Variants in DOCK7 observed in about 807,000 individuals in gnomAD.
DOCK7 encodes dedicator of cytokinesis 7, also known as dedicator of cytokinesis protein 7.
Under a neutral mutation model 271.0 loss-of-function variants are expected in DOCK7, and 138 were observed. The ratio of observed to expected loss-of-function variants is 0.51; its 90% CI spans 0.44 to 0.59. DOCK7 has a LOEUF of 0.59. Among genes scored for constraint, DOCK7 ranks in the 20% least tolerant of loss-of-function variants. DOCK7 has a pLI of 0.00. For synonymous variants in DOCK7, 823 were observed against 876.1 expected, an observed-to-expected ratio of 0.94 and a Z score of 1.07; for missense variants, 2,066 against 2,592.4, an observed-to-expected ratio of 0.80 and a Z score of 4.41.
chr1:62,487,506 C>CATAAATGAGAAG lies in DOCK7; in HGVS notation c.5494-95_5494-94insCTTCTCATTTAT. 7.2e-6 allele frequency: 8 copies of CATAAATGAGAAG among 1,104,988 alleles called. 1 individual carries two copies. In the South Asian group the frequency reaches 1.1e-4, roughly 15 times the overall value. 68.4% of individuals were successfully genotyped at this position (1,104,988 alleles called of 1,614,324 possible). ...GCACCATATACCATAAATTCTTCTCCACAAACAGAAGACAGCAGGATATTT... is the reference window on the plus strand; with the variant it reads ...GCACCATATACCATAAATTCTTCTCCATAAATGAGAAGACAAACAGAAGACAGCAGGATATTT... On this transcript the variant is annotated intron_variant, in intron 42 of 49. Transcript: ENST00000635253.
intron 47 of DOCK7, 63 bp downstream of exon 47, chr1:62,475,145 T>C: frequency 6.6e-7 from 1 of 1,505,102 alleles, no homozygotes; most frequent in Admixed American, 2.2e-5. Context: ...TTATTTCTGA[T>C]CTGAAATTAT....
chr1:62,562,681 G>A (rs1230790884), intron 18 of DOCK7, among the ~76,000 whole-genome samples: 1 of 152,088 alleles, frequency 6.6e-6, no homozygotes, highest in Non-Finnish European at 1.5e-5. Flanking sequence ...AGAGAAAAAA[G>A]ATGATAGGCT....
At chr1:62,655,658 C>A (rs1209713913) in intron 2 of DOCK7, among the ~76,000 whole-genome samples, 2 of 152,164 alleles carry the variant, frequency 1.3e-5, no homozygotes, top group Non-Finnish European at 2.9e-5. Flanking sequence ...AACTCCTGAG[C>A]TCAAGCAATC....
intron 1 of DOCK7, among the ~76,000 whole-genome samples, chr1:62,669,768 C>G (rs1479408574): frequency 6.6e-6 from 1 of 152,266 alleles, no homozygotes; most frequent in African/African-American, 2.4e-5. Flanking sequence ...ACCTCCCCTG[C>G]CTGGGCTCCC....
chr1:62,519,685 T>C (rs1644786554), intron 31 of DOCK7, among the ~76,000 whole-genome samples: 1 of 152,068 alleles, frequency 6.6e-6, no homozygotes, highest in South Asian at 2.1e-4. Context: ...AAGGGATGAC[T>C]AACTGGCTAA....
intron 31 of DOCK7, among the ~76,000 whole-genome samples, chr1:62,521,110 G>C (rs61308091): frequency 0.036 from 5,499 of 151,926 alleles, 247 homozygotes; most frequent in African/African-American, 0.1. Flanking sequence ...CAGGGGGTAG[G>C]GGGGTAGGGG....
At chr1:62,568,845 C>G (rs1488537857) in intron 18 of DOCK7, among the ~76,000 whole-genome samples, 1 of 149,962 alleles carries the variant, frequency 6.7e-6, no homozygotes, top group Non-Finnish European at 1.5e-5. Flanking sequence ...AGACTGCTAG[C>G]TAGATTAATA....
intron 14 of DOCK7, among the ~76,000 whole-genome samples, chr1:62,618,119 A>G (rs1467314925): frequency 1.3e-5 from 2 of 152,134 alleles, no homozygotes; most frequent in African/African-American, 4.8e-5. Flanking sequence ...TAAAGGGTAT[A>G]TCATTCATAA....
rs1224044458 is a variant in DOCK7 at position 62,663,175 on chromosome 1, AAAACT to A, written c.39-50_39-46del. ...AACATACGCATTATTGAAAAAAAAA[AAAACT>A]AAACTAGTTTAAAATGGAGGGAAGC... is the stretch of plus-strand genomic sequence containing the variant. On this transcript the variant is annotated intron_variant, in intron 1 of 49. Coordinates refer to ENST00000635253, the MANE Select transcript of DOCK7 (RefSeq NM_001367561.1). 3 of 1,446,586 alleles carry A rather than the reference AAAACT, an allele frequency of 2.1e-6. No individual in the cohort carries two copies. In the African/African-American group the frequency reaches 4.3e-5, roughly 21 times the overall value. The allele number at this position is 1,446,586 out of a possible 1,614,324, so 89.6% of individuals were successfully genotyped here. A position where few individuals can be genotyped will look rare whatever the true frequency, so the allele number is the denominator to read the frequency against.
At chr1:62,478,324 C>G (rs1646023640) in intron 43 of DOCK7, 1 of 152,290 alleles carries the variant, frequency 6.6e-6, no homozygotes, top group Admixed American at 6.5e-5. Flanking sequence ...AAAGATAGCA[C>G]CTGGCATAGA....
chr1:62,666,327 A>C (rs1051796302), intron 1 of DOCK7, among the ~76,000 whole-genome samples: 2 of 152,240 alleles, frequency 1.3e-5, no homozygotes, highest in Admixed American at 6.5e-5. Context: ...AAACATAGTT[A>C]CTTCAAAAAG....
At chr1:62,513,409 A>C (rs747494186) in intron 33 of DOCK7, 35 bp downstream of exon 33, 2 of 1,563,616 alleles carry the variant, frequency 1.3e-6, no homozygotes, top group Non-Finnish European at 1.7e-6. Flanking sequence ...TGATCATTAC[A>C]ATATACAACT....
intron 4 of DOCK7, among the ~76,000 whole-genome samples, chr1:62,650,927 C>T (rs1214074132): frequency 6.6e-6 from 1 of 152,112 alleles, no homozygotes; most frequent in Admixed American, 6.6e-5. Flanking sequence ...CTATTTGACC[C>T]AGCCATCCCA....
At chr1:62,523,745 T>G (rs992172557) in intron 31 of DOCK7, among the ~76,000 whole-genome samples, 1 of 152,054 alleles carries the variant, frequency 6.6e-6, no homozygotes, top group Non-Finnish European at 1.5e-5. Flanking sequence ...CGGGTGCCTA[T>G]AGTCCCAGCT....
chr1:62,515,883 C>T (rs998185646), intron 31 of DOCK7, among the ~76,000 whole-genome samples: 7 of 152,114 alleles, frequency 4.6e-5, no homozygotes, highest in Admixed American at 6.5e-5. Flanking sequence ...ATATTTTTGG[C>T]AGTCAAATGA....
intron 35 of DOCK7, 56 bp downstream of exon 35, chr1:62,507,906 C>T: frequency 1.3e-6 from 2 of 1,529,546 alleles, no homozygotes; most frequent in Non-Finnish European, 1.8e-6. Flanking sequence ...ACACTTTTCC[C>T]TCCAACCTCA....
At chr1:62,602,001 C>T (rs1352764884) in intron 14 of DOCK7, 11 of 636,646 alleles carry the variant, frequency 1.7e-5, no homozygotes, top group East Asian at 8.5e-5. Flanking sequence ...TATGAGTATT[C>T]GTATAAATAT....
chr1:62,681,628 C>T (rs1453260616), intron 1 of DOCK7, among the ~76,000 whole-genome samples: 1 of 151,246 alleles, frequency 6.6e-6, no homozygotes, highest in Non-Finnish European at 1.5e-5. Flanking sequence ...TAGAGAAACT[C>T]ATGCATATGT....
chr1:62,596,819 G>A (rs181596788), intron 14 of DOCK7, among the ~76,000 whole-genome samples: 68 of 152,108 alleles, frequency 4.5e-4, no homozygotes, highest in Non-Finnish European at 7.8e-4. Flanking sequence ...TTCCTTCAAC[G>A]AGCACATGGT....
Sources: gnomAD v4.1 joint callset for allele counts (sites outside exome capture counted in the v4.1 genomes callset) on GRCh38, gnomAD v4.1.1 for gene constraint, MANE v1.5 for transcripts, NCBI Gene and HGNC (gene_info 2026-07-23, HGNC 2026-07-21) for gene names.